The following DOCK11 variants were observed in gnomAD, a reference collection of about 807,000 sequenced individuals.
The protein encoded by DOCK11 is dedicator of cytokinesis protein 11.
In DOCK11, 70 loss-of-function variants were observed where a neutral mutation model predicts 169.1. The observed-to-expected ratio is 0.41, with a 90% CI of 0.34 to 0.51. DOCK11 has a LOEUF of 0.51. Among genes scored for constraint, DOCK11 ranks in the 20% least tolerant of loss-of-function variants. The probability of loss-of-function intolerance (pLI) is 0.10; values close to 1 mark genes in which losing one functional copy is unlikely to be tolerated. For missense variants in DOCK11, 1,166 were observed against 1,538.8 expected (o/e 0.76, Z 4.05); for synonymous variants, 529 against 541.3 (o/e 0.98, Z 0.32).
intron 1 of DOCK11, among the ~76,000 whole-genome samples, chrX:118,520,420 G>A (rs1301152044): frequency 1.8e-5 from 2 of 112,506 alleles, no homozygotes; most frequent in Non-Finnish European, 3.8e-5. Context: ...GCCTCATAAT[G>A]TTTCTTCTGC....
chrX:118,634,676 C>T (rs1310562155), intron 35 of DOCK11, among the ~76,000 whole-genome samples: 1 of 112,477 alleles, frequency 8.9e-6, no homozygotes, highest in Non-Finnish European at 1.9e-5. Flanking sequence ...GAGTAGACAC[C>T]CAGTGGCAGA....
Position 118,578,448 on chromosome X carries a change from A to G in DOCK11, c.1390-77A>G, listed in dbSNP as rs1021860880. 21 of 1,063,790 alleles carry G rather than the reference A, an allele frequency of 2.0e-5. No individual in the cohort carries two copies. The African/African-American group carries it at 3.9e-4, about 20-fold the overall frequency. The allele number at this position is 1,063,790 out of a possible 1,213,427, so 87.7% of individuals were successfully genotyped here. On this transcript the variant is annotated intron_variant, in intron 12 of 52. Transcript: ENST00000276202. The stretch of plus-strand genomic sequence containing the variant: ...CCTTTGTTGAATATGAACATTGTTT[A>G]CTAAAAATCGTTAACCATAAACAAC...
At chrX:118,654,441 A>G (rs140624585) in intron 42 of DOCK11, among the ~76,000 whole-genome samples, 161 bp from the exon 43 acceptor site, 10 of 112,198 alleles carry the variant, frequency 8.9e-5, no homozygotes, top group Non-Finnish European at 1.7e-4. Context: ...CTAGTTACAT[A>G]TTTAAAAAAT....
intron 14 of DOCK11, among the ~76,000 whole-genome samples, chrX:118,584,273 CT>C (rs35752386): frequency 0.028 from 3,171 of 112,061 alleles, 120 homozygotes; most frequent in African/African-American, 0.097. Flanking sequence ...CTTTTAATCT[CT>C]TTTGCACCTT....
chrX:118,684,496 G>T (rs1026573393), intron 52 of DOCK11, among the ~76,000 whole-genome samples: 3 of 108,716 alleles, frequency 2.8e-5, no homozygotes, highest in Admixed American at 2.0e-4. Flanking sequence ...GGATGGTGTC[G>T]ATCTCCTGAC....
chrX:118,568,557 C>T (rs2013162772), intron 10 of DOCK11, among the ~76,000 whole-genome samples: 2 of 106,690 alleles, frequency 1.9e-5, no homozygotes, highest in Admixed American at 1.0e-4. Context: ...GAAAATATCT[C>T]CAGTATAAAG....
At chrX:118,518,206 A>G (rs189061181) in intron 1 of DOCK11, among the ~76,000 whole-genome samples, 8 of 112,019 alleles carry the variant, frequency 7.1e-5, no homozygotes, top group Admixed American at 3.8e-4. Flanking sequence ...AGAATTACTT[A>G]TGAATTATGA....
intron 41 of DOCK11, among the ~76,000 whole-genome samples, chrX:118,650,237 A>G (rs1292765004): frequency 8.9e-6 from 1 of 112,120 alleles, no homozygotes; most frequent in Non-Finnish European, 1.9e-5. Flanking sequence ...GGATTAAAAT[A>G]AGGCGTGTAT....
chrX:118,572,779 A>G (rs1353816918), intron 11 of DOCK11, among the ~76,000 whole-genome samples: 2 of 111,972 alleles, frequency 1.8e-5, no homozygotes, highest in Admixed American at 9.5e-5. Context: ...AAATATGACT[A>G]TGTTCTCATT....
At chrX:118,641,707 G>A (rs138006605) in intron 39 of DOCK11, among the ~76,000 whole-genome samples, 5 of 111,107 alleles carry the variant, frequency 4.5e-5, no homozygotes, top group East Asian at 2.8e-4. Context: ...CCCTAGGCGC[G>A]CACTTAGTGT....
chrX:118,613,703 C>T lies in DOCK11; in HGVS notation c.3097-989C>T, dbSNP rs1307029702. ...AATAAGTGAATGATGGCTGAGCATG[C>T]TGGTGCCCGCCTTAGTCTCAGCTAC... On this transcript the variant is annotated intron_variant, in intron 28 of 52. Transcript: ENST00000276202. Among the ~76,000 whole-genome samples the T allele has an allele frequency of 2.7e-5, 3 of 112,235 alleles. No homozygotes were observed. The Admixed American group carries it at 2.8e-4, about 11-fold the overall frequency.
chrX:118,614,944 A>AC (rs1165366915), intron 29 of DOCK11, among the ~76,000 whole-genome samples, 169 bp downstream of exon 29: 3 of 111,169 alleles, frequency 2.7e-5, no homozygotes, highest in African/African-American at 6.6e-5. Flanking sequence ...GGTCCCCAGG[A>AC]CCCCCCATGT....
At chrX:118,628,879 G>A (rs2015171027) in intron 34 of DOCK11, among the ~76,000 whole-genome samples, 2 of 112,416 alleles carry the variant, frequency 1.8e-5, no homozygotes, top group African/African-American at 6.5e-5. Context: ...GGGACTATAA[G>A]AACAATAAAT....
intron 30 of DOCK11, among the ~76,000 whole-genome samples, chrX:118,616,540 T>G (rs1235407311): frequency 2.7e-5 from 3 of 110,715 alleles, no homozygotes; most frequent in African/African-American, 9.8e-5. Context: ...TTTTTTTTGT[T>G]TTTGTTTTTG....
Position 118,580,141 on chromosome X carries a change from C to T in DOCK11, c.1557C>T (p.Arg519=). 3 of 1,209,625 alleles carry T rather than the reference C, an allele frequency of 2.5e-6. No homozygotes were observed. Among genetic ancestry groups the T allele is most frequent in the Non-Finnish European group, 3.4e-6 (3 of 894,762 alleles). The change falls in exon 14 of 53, where the codon CGC becomes CGT. Residue 519 remains arginine, a synonymous_variant. Transcript: ENST00000276202. ...GGACAGCTAAACAAGTGTGTAGCCG[C>T]CTTGGACAATACAGAATGCCCTTCG... The part of the protein sequence containing the change: ...VHRTAKQVCS[R]LGQYRMPFAW...
intron 44 of DOCK11, among the ~76,000 whole-genome samples, chrX:118,662,275 G>A (rs1400844134): frequency 3.6e-5 from 4 of 111,895 alleles, no homozygotes; most frequent in Non-Finnish European, 7.5e-5. Flanking sequence ...CCAAATCTCA[G>A]TGAAATTAGG....
intron 1 of DOCK11, among the ~76,000 whole-genome samples, chrX:118,504,325 A>G (rs2057596487): frequency 9.0e-6 from 1 of 111,632 alleles, no homozygotes; most frequent in African/African-American, 3.3e-5. Flanking sequence ...TGGAAAGTGG[A>G]GAGTAAATGG....
chrX:118,669,178 T>C (rs1427823326), intron 45 of DOCK11, among the ~76,000 whole-genome samples: 1 of 110,758 alleles, frequency 9.0e-6, no homozygotes, highest in Non-Finnish European at 1.9e-5. Context: ...GGAAGATAAA[T>C]TAAGAAAAAA....
In DOCK11 at chrX:118,495,943, C is replaced by T; in HGVS notation, c.-29C>T. The T allele has an allele frequency of 9.8e-7, 1 of 1,016,993 alleles. No homozygotes were observed. The highest frequency in any genetic ancestry group is 2.3e-5 in the South Asian group (1 of 43,405). The allele number at this position is 1,016,993 out of a possible 1,213,427, so 83.8% of individuals were successfully genotyped here. On this transcript the variant is annotated 5_prime_UTR_variant, in exon 1 of 53. Coordinates refer to ENST00000276202, the MANE Select transcript of DOCK11 (RefSeq NM_144658.4). ...CCACCCGCCCGCCGAGGTCCGCCCG[C>T]CCGCCGAGACCCGCCCGCCGCCGCT...
Sources: gnomAD v4.1 joint callset for allele counts (sites outside exome capture counted in the v4.1 genomes callset) on GRCh38, gnomAD v4.1.1 for gene constraint, MANE v1.5 for transcripts, NCBI Gene and HGNC (gene_info 2026-07-23, HGNC 2026-07-21) for gene names.